SUCLG2: variants seen among roughly 807,000 people sequenced by gnomAD.
The protein encoded by SUCLG2 is succinate-CoA ligase GDP-forming subunit beta, also known as succinate--CoA ligase [GDP-forming] subunit beta, mitochondrial.
A neutral mutation model predicts 47.9 loss-of-function variants in SUCLG2; 42 were observed. That is an observed-to-expected ratio of 0.88 (90% confidence interval 0.69 to 1.14). The LOEUF (loss-of-function observed/expected upper bound fraction) is 1.14. SUCLG2 is among the 50% of genes most tolerant of loss of function. SUCLG2 has a pLI of 0.00. For missense variants in SUCLG2, 571 were observed against 525.9 expected (o/e 1.09, Z -0.84); for synonymous variants, 195 against 197.3 (o/e 0.99, Z 0.10).
At chr3:67,395,271 G>T (rs902303253) in intron 10 of SUCLG2, among the ~76,000 whole-genome samples, 2 of 152,158 alleles carry the variant, frequency 1.3e-5, no homozygotes, top group Non-Finnish European at 2.9e-5. Context: ...CTGTATTCAG[G>T]AAACCCATCT....
chr3:67,501,751 G>A (rs1705499664), intron 7 of SUCLG2, among the ~76,000 whole-genome samples: 1 of 152,078 alleles, frequency 6.6e-6, no homozygotes, highest in Non-Finnish European at 1.5e-5. Flanking sequence ...CCAGGGGACT[G>A]GAGAGCTTAC....
chr3:67,562,213 T>C (rs987468616), intron 2 of SUCLG2, among the ~76,000 whole-genome samples: 1 of 152,172 alleles, frequency 6.6e-6, no homozygotes, highest in African/African-American at 2.4e-5. Context: ...TCAGTCATAG[T>C]GGCATTCCTT....
At chr3:67,644,472 C>G (rs369190579) in intron 1 of SUCLG2, among the ~76,000 whole-genome samples, 28 of 151,960 alleles carry the variant, frequency 1.8e-4, no homozygotes, top group African/African-American at 6.5e-4. Flanking sequence ...TTGGCAGGGA[C>G]TAGGGGAAGG....
chr3:67,439,236 CG>C (rs1703698529), intron 9 of SUCLG2, among the ~76,000 whole-genome samples: 1 of 152,132 alleles, frequency 6.6e-6, no homozygotes, highest in Non-Finnish European at 1.5e-5. Flanking sequence ...TGGAACATAT[CG>C]CAAAATAATA....
At chr3:67,427,293 G>C (rs1703328198) in intron 9 of SUCLG2, among the ~76,000 whole-genome samples, 1 of 152,138 alleles carries the variant, frequency 6.6e-6, no homozygotes, top group African/African-American at 2.4e-5. Flanking sequence ...AGAAGCCCTT[G>C]ACAAGAAAGT....
At chr3:67,583,112 T>G (rs1707924450) in intron 2 of SUCLG2, among the ~76,000 whole-genome samples, 1 of 152,056 alleles carries the variant, frequency 6.6e-6, no homozygotes, top group African/African-American at 2.4e-5. Context: ...TGCCTCAGCC[T>G]CCCACTGAGA....
chr3:67,478,345 G>A (rs565582721), intron 9 of SUCLG2, among the ~76,000 whole-genome samples: 47 of 152,330 alleles, frequency 3.1e-4, no homozygotes, highest in African/African-American at 1.1e-3. Flanking sequence ...GCGAGGTGAA[G>A]AGATTCTGAT....
intron 2 of SUCLG2, among the ~76,000 whole-genome samples, chr3:67,542,517 T>C (rs937311418): frequency 6.6e-6 from 1 of 152,064 alleles, no homozygotes. Flanking sequence ...AATGCCCCAA[T>C]TAAAAGACAC....
At chr3:67,595,441 C>T (rs1708271594) in intron 2 of SUCLG2, among the ~76,000 whole-genome samples, 1 of 152,104 alleles carries the variant, frequency 6.6e-6, no homozygotes, top group Admixed American at 6.5e-5. Context: ...AGGCCTCAAG[C>T]AGGAAAGGAG....
intron 1 of SUCLG2, among the ~76,000 whole-genome samples, chr3:67,637,045 G>C (rs538778802): frequency 3.7e-4 from 56 of 152,220 alleles, no homozygotes; most frequent in African/African-American, 1.3e-3. Context: ...GTCTACGACA[G>C]GAAGAGAGAG....
rs71109890 is a variant in SUCLG2 at position 67,620,584 on chromosome 3, CAA to C, written c.85-10990_85-10989del. Among the ~76,000 whole-genome samples the C allele has an allele frequency of 3.7e-3, 237 of 63,488 alleles. 1 individual carries two copies. In the East Asian group the frequency reaches 0.084, roughly 22 times the overall value. The allele number at this position is 63,488 out of a possible 152,430, so 41.7% of individuals were successfully genotyped here. ...TGGGTGACACAGTGAGACTCCATCT[CAA>C]AAAAAAAAAAAAAAAAAGAAAGAAA... On this transcript the variant is annotated intron_variant, in intron 1 of 10. Coordinates refer to ENST00000307227, the MANE Select transcript of SUCLG2 (RefSeq NM_003848.4).
At chr3:67,383,071 C>G (rs1366230158) in intron 10 of SUCLG2, among the ~76,000 whole-genome samples, 1 of 152,200 alleles carries the variant, frequency 6.6e-6, no homozygotes, top group African/African-American at 2.4e-5. Flanking sequence ...GGCAAAACTT[C>G]TGCTATGTCA....
At chr3:67,586,755 A>G (rs1030311108) in intron 2 of SUCLG2, among the ~76,000 whole-genome samples, 1 of 152,208 alleles carries the variant, frequency 6.6e-6, no homozygotes, top group Non-Finnish European at 1.5e-5. Flanking sequence ...GGAGGTTCCA[A>G]TTCCAAATGT....
chr3:67,501,955 A>T (rs1000823176), intron 7 of SUCLG2, among the ~76,000 whole-genome samples: 1 of 152,228 alleles, frequency 6.6e-6, no homozygotes, highest in Non-Finnish European at 1.5e-5. Flanking sequence ...AGTAGTAAGT[A>T]AAGTGCTTCC....
Position 67,465,626 on chromosome 3 carries a change from G to A in SUCLG2, c.1062+30172C>T, listed in dbSNP as rs578223582. ...CTGGGCTGCTCCCAGCCGAGTAGGG[G>A]CATCCAATCTTCCTTCCCTCTCTCC... On this transcript the variant is annotated intron_variant, in intron 9 of 10. Coordinates refer to ENST00000307227, the MANE Select transcript of SUCLG2 (RefSeq NM_003848.4). 4.9e-4 allele frequency among the ~76,000 whole-genome samples: 74 copies of A among 152,274 alleles called. 1 individual carries two copies. The South Asian group carries it at 9.1e-3, about 19-fold the overall frequency.
rs371604927 is a variant in SUCLG2, at chr3:67,451,884, T to A, written c.1062+43914A>T. Among the ~76,000 whole-genome samples, 40 of 152,242 alleles carry A rather than the reference T, an allele frequency of 2.6e-4. 1 individual carries two copies. The highest frequency in any genetic ancestry group is 1.5e-3 in the East Asian group (8 of 5,188). On this transcript the variant is annotated intron_variant, in intron 9 of 10. Coordinates refer to ENST00000307227, the MANE Select transcript of SUCLG2 (RefSeq NM_003848.4). The stretch of plus-strand genomic sequence containing the variant: ...ACCTGATGTGTAGTGTTTGCCAATT[T>A]CCATAGCCCAACCCCGTCAATGAAA...
intron 2 of SUCLG2, among the ~76,000 whole-genome samples, chr3:67,534,298 T>G (rs79064030): frequency 6.6e-6 from 1 of 152,134 alleles, no homozygotes; most frequent in South Asian, 2.1e-4. Context: ...TTTGAAGAGT[T>G]TGATTATTTA....
chr3:67,548,737 T>C, intron 2 of SUCLG2, among the ~76,000 whole-genome samples: 1 of 152,156 alleles, frequency 6.6e-6, no homozygotes, highest in East Asian at 1.9e-4. Flanking sequence ...GCGAAAATAT[T>C]GACAATAGGG....
chr3:67,440,372 T>C (rs1703730386), intron 9 of SUCLG2, among the ~76,000 whole-genome samples: 3 of 152,262 alleles, frequency 2.0e-5, no homozygotes, highest in Non-Finnish European at 2.9e-5. Flanking sequence ...AAAGCCAAAA[T>C]TGACAAATGG....
Sources: gnomAD v4.1 joint callset for allele counts (sites outside exome capture counted in the v4.1 genomes callset) on GRCh38, gnomAD v4.1.1 for gene constraint, MANE v1.5 for transcripts, NCBI Gene and HGNC (gene_info 2026-07-23, HGNC 2026-07-21) for gene names.